Variants in RGL1 observed in about 807,000 individuals in gnomAD.
RGL1 encodes ral guanine nucleotide dissociation stimulator like 1.
RGL1 carries 24 observed loss-of-function variants against 95.2 expected under a neutral mutation model. The observed-to-expected ratio is 0.25, with a 90% confidence interval of 0.18 to 0.35. The LOEUF is 0.35. Among genes scored for constraint, RGL1 ranks in the 10% least tolerant of loss-of-function variants. The probability of loss-of-function intolerance (pLI) is 1.00; values close to 1 mark genes in which losing one functional copy is unlikely to be tolerated. For synonymous variants in RGL1, 329 were observed against 344.9 expected, an observed-to-expected ratio of 0.95 and a Z score of 0.51; for missense variants, 715 against 936.3, an observed-to-expected ratio of 0.76 and a Z score of 3.08.
intron 1 of RGL1, among the ~76,000 whole-genome samples, chr1:183,716,995 T>C (rs1048345808): frequency 2.0e-5 from 3 of 152,228 alleles, no homozygotes; most frequent in Admixed American, 2.0e-4. Flanking sequence ...TATTATTCAC[T>C]GGGCATAGTA....
intron 1 of RGL1, among the ~76,000 whole-genome samples, chr1:183,692,885 C>T (rs1654031778): frequency 6.6e-6 from 1 of 152,064 alleles, no homozygotes; most frequent in South Asian, 2.1e-4. Context: ...GAATCATCTG[C>T]CCCAAAAGTC....
At chr1:183,666,691 T>C (rs1172165365) in intron 1 of RGL1, among the ~76,000 whole-genome samples, 2 of 152,198 alleles carry the variant, frequency 1.3e-5, no homozygotes, top group African/African-American at 4.8e-5. Flanking sequence ...TGATTTCTAG[T>C]TGTAACTCCA....
intron 1 of RGL1, among the ~76,000 whole-genome samples, chr1:183,736,355 G>C (rs951840929): frequency 6.6e-6 from 1 of 152,208 alleles, no homozygotes; most frequent in African/African-American, 2.4e-5. Flanking sequence ...GTAACTGTAA[G>C]AGGTCTCAGC....
At chr1:183,790,556 C>T (rs1040259046) in intron 2 of RGL1, among the ~76,000 whole-genome samples, 3 of 152,096 alleles carry the variant, frequency 2.0e-5, no homozygotes, top group East Asian at 3.9e-4. Flanking sequence ...GACAAGAATG[C>T]CAGCTGGTTC....
At chr1:183,773,316 A>G (rs1437953579) in intron 2 of RGL1, among the ~76,000 whole-genome samples, 3 of 152,074 alleles carry the variant, frequency 2.0e-5, no homozygotes, top group South Asian at 2.1e-4. Flanking sequence ...CTAGTAGACT[A>G]TGAGCTTCTA....
At position 183,927,809 on chromosome 1, in the gene RGL1, T is replaced by TG. The variant is rs1455425661; in HGVS notation, c.*1519dup. 8.5e-5 allele frequency: 13 copies of TG among 152,730 alleles called. No individual in the cohort carries two copies. The highest frequency in any genetic ancestry group is 3.1e-4 in the African/African-American group (13 of 41,562). The allele number at this position is 152,730 out of a possible 1,614,324, so 9.5% of individuals were successfully genotyped here. A position where few individuals can be genotyped will look rare whatever the true frequency, so the allele number is the denominator to read the frequency against. On this transcript the variant is annotated 3_prime_UTR_variant, in exon 18 of 18. Coordinates refer to ENST00000360851, the MANE Select transcript of RGL1 (RefSeq NM_001297671.3). ...GGAATATGAAGTGCAGATTGTAACA[T>TG]GGAGCTATTTTTTTTTCTTAATCCC...
At chr1:183,805,395 G>A in intron 1 of RGL1, 71 bp downstream of exon 1, 2 of 1,375,818 alleles carry the variant, frequency 1.5e-6, no homozygotes, top group East Asian at 2.3e-5. Flanking sequence ...CGCTGGGCGT[G>A]TTTTGGACTC....
intron 2 of RGL1, among the ~76,000 whole-genome samples, chr1:183,819,569 GA>G (rs1298796828): frequency 2.0e-5 from 3 of 152,036 alleles, no homozygotes; most frequent in Non-Finnish European, 2.9e-5. Flanking sequence ...TAGAATTTCA[GA>G]ATTCTGTTTT....
At chr1:183,699,045 G>C (rs1256177592) in intron 1 of RGL1, among the ~76,000 whole-genome samples, 1 of 152,242 alleles carries the variant, frequency 6.6e-6, no homozygotes, top group African/African-American at 2.4e-5. Context: ...GATTTTAGCT[G>C]TCTTATTCAT....
chr1:183,784,642 C>T (rs1381104630), intron 2 of RGL1, among the ~76,000 whole-genome samples: 1 of 152,186 alleles, frequency 6.6e-6, no homozygotes, highest in Non-Finnish European at 1.5e-5. Flanking sequence ...CAGAGCGGTC[C>T]AGCTGTTTGG....
At chr1:183,697,445 A>C (rs539774526) in intron 1 of RGL1, among the ~76,000 whole-genome samples, 1 of 152,176 alleles carries the variant, frequency 6.6e-6, no homozygotes, top group African/African-American at 2.4e-5. Context: ...CATCTTGTCC[A>C]CTACTATATG....
intron 15 of RGL1, among the ~76,000 whole-genome samples, chr1:183,915,201 A>G (rs1252567893): frequency 1.3e-5 from 2 of 152,188 alleles, no homozygotes; most frequent in Non-Finnish European, 2.9e-5. Flanking sequence ...GATAACCAGA[A>G]AGCTCAACTT....
At chr1:183,911,485 G>A (rs927051039) in intron 14 of RGL1, among the ~76,000 whole-genome samples, 2 of 152,114 alleles carry the variant, frequency 1.3e-5, no homozygotes, top group Non-Finnish European at 2.9e-5. Context: ...CCAAGATTGG[G>A]GCCTCCCACT....
At chr1:183,868,479 G>C (rs1361852386) in intron 4 of RGL1, among the ~76,000 whole-genome samples, 1 of 152,158 alleles carries the variant, frequency 6.6e-6, no homozygotes, top group African/African-American at 2.4e-5. Flanking sequence ...CTGGGTGGGA[G>C]CTTGTGAGAA....
At chr1:183,806,608 T>C in intron 2 of RGL1, 123 bp downstream of exon 2, 3 of 657,938 alleles carry the variant, frequency 4.6e-6, no homozygotes, top group Non-Finnish European at 7.8e-6. Flanking sequence ...AAAAGGAAAA[T>C]GCTAATGACC....
intron 2 of RGL1, among the ~76,000 whole-genome samples, chr1:183,764,291 C>T (rs1192728624): frequency 6.6e-6 from 1 of 152,078 alleles, no homozygotes; most frequent in African/African-American, 2.4e-5. Context: ...ATTAGGGGCT[C>T]ATGTGGCAGG....
intron 1 of RGL1, among the ~76,000 whole-genome samples, chr1:183,719,247 C>G (rs997155202): frequency 1.3e-5 from 2 of 152,184 alleles, no homozygotes; most frequent in African/African-American, 2.4e-5. Context: ...GATATTCATT[C>G]ATTCATTGAT....
chr1:183,920,137 C>T (rs758421293), intron 16 of RGL1, among the ~76,000 whole-genome samples: 9 of 152,004 alleles, frequency 5.9e-5, no homozygotes, highest in Non-Finnish European at 1.2e-4. Context: ...CTGGTTCAAG[C>T]GGTTCTCCTG....
intron 2 of RGL1, among the ~76,000 whole-genome samples, chr1:183,843,797 T>C (rs774999602): frequency 2.1e-4 from 32 of 150,486 alleles, no homozygotes; most frequent in Admixed American, 1.3e-4. Flanking sequence ...GTTGTTAATA[T>C]TTAACATTGA....
Sources: gnomAD v4.1 joint callset for allele counts (sites outside exome capture counted in the v4.1 genomes callset) on GRCh38, gnomAD v4.1.1 for gene constraint, MANE v1.5 for transcripts, NCBI Gene and HGNC (gene_info 2026-07-23, HGNC 2026-07-21) for gene names.